Variants in PLEKHG3 observed in about 807,000 individuals in gnomAD.
PLEKHG3 encodes the protein pleckstrin homology and RhoGEF domain containing G3.
In PLEKHG3, 62 loss-of-function variants were observed where a neutral mutation model predicts 94.9. The observed-to-expected ratio is 0.65, with a 90% confidence interval of 0.53 to 0.81. The LOEUF (loss-of-function observed/expected upper bound fraction) is 0.81, where lower values mean the gene tolerates loss of function less well. PLEKHG3 is among the 30% of genes least tolerant of loss of function. PLEKHG3 has a pLI of 0.00. For missense variants in PLEKHG3, 1,461 were observed against 1,619.3 expected (o/e 0.90, Z 1.68); for synonymous variants, 614 against 654.0 (o/e 0.94, Z 0.93).
In PLEKHG3 at chr14:64,743,188, G is replaced by C; in HGVS notation, c.3145G>C (p.Asp1049His). The C allele has an allele frequency of 1.9e-6, 3 of 1,610,380 alleles. No homozygotes were observed. The highest frequency in any genetic ancestry group is 2.5e-6 in the Non-Finnish European group (3 of 1,179,884). Reference sequence around the variant, plus strand: ...CCCCACAGAGACCTTCAGCTGGCCCGACGTCCGTGAGCTCTGCTCCAAGTA... The same window carrying C: ...CCCCACAGAGACCTTCAGCTGGCCCCACGTCCGTGAGCTCTGCTCCAAGTA... ...LSPTETFSWP[D>H]VRELCSKYAS... Residue 1049 changes from aspartate to histidine, a missense_variant, in exon 17 of 17, where the codon GAC becomes CAC. Asp to His is a moderately conservative substitution (Grantham distance 81). Around this residue, in one of 3 missense-constraint regions of PLEKHG3, gnomAD observed 1,201 missense variants for 1,295.5 expected, o/e 0.93. Coordinates refer to ENST00000247226, the MANE Select transcript of PLEKHG3 (RefSeq NM_001308147.2). This position sits in a 1 kb window ranked among gnomAD's most constrained non-coding sequence, Gnocchi z 7.2.
chr14:64,736,898 G>T lies in PLEKHG3; in HGVS notation c.1384+7G>T. The T allele has an allele frequency of 3.1e-6, 5 of 1,610,116 alleles. No individual in the cohort carries two copies. Among genetic ancestry groups the T allele is most frequent in the Non-Finnish European group, 2.6e-6 (3 of 1,176,448 alleles). ...AGGCAACTCAACGAGAAAGGTGAGTGTGTGAGGTGGCCAGCCATTCCCAGT... is the reference window on the plus strand; with the variant it reads ...AGGCAACTCAACGAGAAAGGTGAGTTTGTGAGGTGGCCAGCCATTCCCAGT... On this transcript the variant is annotated splice_region_variant and intron_variant, in intron 13 of 16. Coordinates refer to ENST00000247226, the MANE Select transcript of PLEKHG3 (RefSeq NM_001308147.2).
At position 64,749,197 on chromosome 14, in the gene PLEKHG3, G is replaced by C. The variant is rs2081900623; in HGVS notation, c.*5494G>C. 3.6e-6 allele frequency: 5 copies of C among 1,374,126 alleles called. No homozygotes were observed. Among genetic ancestry groups the C allele is most frequent in the Middle Eastern group, 2.2e-4 (1 of 4,532 alleles). 85.1% of individuals were successfully genotyped at this position (1,374,126 alleles called of 1,614,324 possible). On this transcript the variant is annotated 3_prime_UTR_variant, in exon 17 of 17. Coordinates refer to ENST00000247226, the MANE Select transcript of PLEKHG3 (RefSeq NM_001308147.2). This position sits in a 1 kb window ranked among gnomAD's most constrained non-coding sequence, Gnocchi z 4.7. ...CGTGGGGCCCGGGGGCCCGGCCCGC[G>C]ACTCGACTCATCTCGATTCGACCGG...
At position 64,731,716 on chromosome 14, in the gene PLEKHG3, C is replaced by T. The variant is rs2081469925; in HGVS notation, c.1035C>T (p.Cys345=). The change falls in exon 9 of 17, where the codon TGC becomes TGT. Residue 345 remains cysteine (C), a splice_region_variant and synonymous_variant. Transcript: ENST00000247226. The surrounding 1 kb of genome is among the most constrained non-coding windows in gnomAD (Gnocchi z 6.1). ...CTGTCCTTTCCCTCTGCCCCTAGTG[C>T]TCCTCCCTGATGCTGATCGAAAGCA... ...DHFVYKGNIP[C]SSLMLIESTR... 1.2e-6 allele frequency: 2 copies of T among 1,611,260 alleles called. No homozygotes were observed. Among genetic ancestry groups the T allele is most frequent in the Non-Finnish European group, 1.7e-6 (2 of 1,177,426 alleles).
At position 64,726,326 on chromosome 14, in the gene PLEKHG3, T is replaced by A. The variant is rs2081352529; in HGVS notation, c.-39-1267T>A. ...CAAGTCTCTGCCCTTTAGTCATGTCTGGGGTCTAGTCACTTCTGAGCCCTA... is the reference window on the plus strand; with the variant it reads ...CAAGTCTCTGCCCTTTAGTCATGTCAGGGGTCTAGTCACTTCTGAGCCCTA... On this transcript the variant is annotated intron_variant, in intron 1 of 16. Transcript: ENST00000247226. The surrounding 1 kb of genome is among the most constrained non-coding windows in gnomAD (Gnocchi z 5.1). 6.6e-6 allele frequency among the ~76,000 whole-genome samples: 1 copy of A among 152,136 alleles called. No individual in the cohort carries two copies. The highest frequency in any genetic ancestry group is 2.1e-4 in the South Asian group (1 of 4,828).
rs1197880527 is a variant in PLEKHG3, at chr14:64,749,757, G to A, written c.*6054G>A. On this transcript the variant is annotated 3_prime_UTR_variant, in exon 17 of 17. Coordinates refer to ENST00000247226, the MANE Select transcript of PLEKHG3 (RefSeq NM_001308147.2). This position sits in a 1 kb window ranked among gnomAD's most constrained non-coding sequence, Gnocchi z 4.7. ...CTCTGGAGGGGGCGCTGGGCAGAGG[G>A]CTGGCTCTGATCCCACAATACCCTG... 1.3e-6 allele frequency: 2 copies of A among 1,587,904 alleles called. No individual in the cohort carries two copies. Among genetic ancestry groups the A allele is most frequent in the African/African-American group, 2.7e-5 (2 of 74,160 alleles).
rs2081775194 is a variant in PLEKHG3 at position 64,743,937 on chromosome 14, C to T, written c.*234C>T. On this transcript the variant is annotated 3_prime_UTR_variant, in exon 17 of 17. Coordinates refer to ENST00000247226, the MANE Select transcript of PLEKHG3 (RefSeq NM_001308147.2). The surrounding 1 kb of genome is among the most constrained non-coding windows in gnomAD (Gnocchi z 7.2). The stretch of plus-strand genomic sequence containing the variant: ...ACCTGTGAGGCCGGTGTGGCTGCTT[C>T]CCTTGTAAATAGTTGTTCTCTGGTA... The T allele has an allele frequency of 6.8e-6, 3 of 444,082 alleles. No individual in the cohort carries two copies. In the East Asian group the frequency reaches 1.1e-4, roughly 16 times the overall value. The allele number at this position is 444,082 out of a possible 1,614,324, so 27.5% of individuals were successfully genotyped here.
chr14:64,724,758 CCT>C (rs1333909441), intron 1 of PLEKHG3, among the ~76,000 whole-genome samples: 1 of 152,120 alleles, frequency 6.6e-6, no homozygotes, highest in Non-Finnish European at 1.5e-5. Context: ...TGCTTGTGGC[CCT>C]GTCTGGTGTG....
Position 64,749,592 on chromosome 14 carries a change from G to A in PLEKHG3, c.*5889G>A, listed in dbSNP as rs1022670637. The A allele has an allele frequency of 8.7e-6, 14 of 1,610,046 alleles. No individual in the cohort carries two copies. Among genetic ancestry groups the A allele is most frequent in the South Asian group, 7.7e-5 (7 of 91,008 alleles). On this transcript the variant is annotated 3_prime_UTR_variant, in exon 17 of 17. Coordinates refer to ENST00000247226, the MANE Select transcript of PLEKHG3 (RefSeq NM_001308147.2). This position sits in a 1 kb window ranked among gnomAD's most constrained non-coding sequence, Gnocchi z 4.7. ...TTCTGAGGGGGCCTCCAGGGCAAGCGGCCTGGGGTCCTCCACCTACCCCCT... is the reference window on the plus strand; with the variant it reads ...TTCTGAGGGGGCCTCCAGGGCAAGCAGCCTGGGGTCCTCCACCTACCCCCT...
intron 1 of PLEKHG3, among the ~76,000 whole-genome samples, chr14:64,706,882 G>A (rs546061701): frequency 6.6e-6 from 1 of 152,234 alleles, no homozygotes; most frequent in Non-Finnish European, 1.5e-5. Context: ...TAAGCCAGGG[G>A]TGCTGCCACA....
chr14:64,741,824 T>G lies in PLEKHG3; in HGVS notation c.2307T>G (p.Pro769=). The G allele has an allele frequency of 3.1e-6, 5 of 1,613,518 alleles. No homozygotes were observed. Among genetic ancestry groups the G allele is most frequent in the Non-Finnish European group, 4.2e-6 (5 of 1,179,980 alleles). ...SLPRPDPEPV[P]PVGSKRQVGS... ...CCCGGCCAGACCCAGAGCCAGTACC[T>G]CCAGTGGGGAGCAAGAGACAGGTGG... The change falls in exon 16 of 17, where the codon CCT becomes CCG. Residue 769 remains proline (P), a synonymous_variant. Coordinates refer to ENST00000247226, the MANE Select transcript of PLEKHG3 (RefSeq NM_001308147.2).
Position 64,741,194 on chromosome 14 carries a change from C to T in PLEKHG3, c.1677C>T (p.Asp559=). 1 of 1,614,086 alleles carries T rather than the reference C, an allele frequency of 6.2e-7. No homozygotes were observed. The highest frequency in any genetic ancestry group is 8.5e-7 in the Non-Finnish European group (1 of 1,179,994). ...QGLLGMDPPG[D]MVDFVAAEST... ...TTCTGGGGATGGACCCCCCAGGTGA[C>T]ATGGTGGACTTCGTGGCAGCTGAGA... The change falls in exon 16 of 17, where the codon GAC becomes GAT. Residue 559 remains aspartate, a synonymous_variant. Coordinates refer to ENST00000247226, the MANE Select transcript of PLEKHG3 (RefSeq NM_001308147.2).
At chr14:64,714,489 A>G (rs2081107075) in intron 1 of PLEKHG3, among the ~76,000 whole-genome samples, 1 of 152,146 alleles carries the variant, frequency 6.6e-6, no homozygotes, top group Non-Finnish European at 1.5e-5. Context: ...CACTTTCCAA[A>G]AATGTGTTAG....
intron 1 of PLEKHG3, among the ~76,000 whole-genome samples, chr14:64,710,876 G>A (rs1594657404): frequency 6.6e-6 from 1 of 151,766 alleles, no homozygotes; most frequent in African/African-American, 2.4e-5. Context: ...GGGTGTCTGG[G>A]GATCATCAGT....
intron 12 of PLEKHG3, among the ~76,000 whole-genome samples, chr14:64,734,951 C>T (rs2139388564): frequency 6.6e-6 from 1 of 152,250 alleles, no homozygotes; most frequent in African/African-American, 2.4e-5. Flanking sequence ...GTCTCGAACT[C>T]CTGACCTCAG....
At position 64,726,648 on chromosome 14, in the gene PLEKHG3, G is replaced by C. The variant is rs1249189884; in HGVS notation, c.-39-945G>C. Among the ~76,000 whole-genome samples, 1 of 152,184 alleles carries C rather than the reference G, an allele frequency of 6.6e-6. No homozygotes were observed. The highest frequency in any genetic ancestry group is 2.4e-5 in the African/African-American group (1 of 41,454). ...GCTCTGTTTGCCTCACCTGGGTGCA[G>C]TTTACTGCTTTCTCTGCTGCCCCCG... On this transcript the variant is annotated intron_variant, in intron 1 of 16. Transcript: ENST00000247226. This position sits in a 1 kb window ranked among gnomAD's most constrained non-coding sequence, Gnocchi z 5.1.
chr14:64,734,718 CTTCCTTCCTTCT>C (rs1466079424), intron 12 of PLEKHG3, among the ~76,000 whole-genome samples: 2 of 141,602 alleles, frequency 1.4e-5, no homozygotes, highest in African/African-American at 2.6e-5. Flanking sequence ...CCCTCCCTTC[CTTCCTTCCTTCT>C]TTCCTTCCTT....
chr14:64,715,022 G>A lies in PLEKHG3; in HGVS notation c.-40+10318G>A, dbSNP rs1330412180. Among the ~76,000 whole-genome samples, 1 of 152,146 alleles carries A rather than the reference G, an allele frequency of 6.6e-6. No individual in the cohort carries two copies. The highest frequency in any genetic ancestry group is 2.4e-5 in the African/African-American group (1 of 41,420). On this transcript the variant is annotated intron_variant, in intron 1 of 16. Coordinates refer to ENST00000247226, the MANE Select transcript of PLEKHG3 (RefSeq NM_001308147.2). This position sits in a 1 kb window ranked among gnomAD's most constrained non-coding sequence, Gnocchi z 4.4. ...GATACTTGCTACTCACTGAGACCCC[G>A]TGCAGGTTGGTACCCCCACTGCAAG...
In PLEKHG3 at chr14:64,743,679, C is replaced by A. The variant is rs2081769276; in HGVS notation, c.3636C>A (p.Phe1212Leu). Residue 1212 changes from phenylalanine to leucine, a missense_variant, in exon 17 of 17, where the codon TTC becomes TTA. Physicochemically the swap from Phe to Leu is conservative, Grantham distance 22. Coordinates refer to ENST00000247226, the MANE Select transcript of PLEKHG3 (RefSeq NM_001308147.2). This position sits in a 1 kb window ranked among gnomAD's most constrained non-coding sequence, Gnocchi z 7.2. The part of the protein sequence containing the change: ...QGRVRNLREK[F>L]QALNSVG The stretch of plus-strand genomic sequence containing the variant: ...GAGTGAGAAACCTTAGAGAGAAGTT[C>A]CAGGCCTTGAACTCTGTCGGTTGAT... 1.3e-6 allele frequency: 2 copies of A among 1,579,434 alleles called. No individual in the cohort carries two copies. Among genetic ancestry groups the A allele is most frequent in the African/African-American group, 1.3e-5 (1 of 74,106 alleles).
intron 1 of PLEKHG3, among the ~76,000 whole-genome samples, chr14:64,712,183 T>C (rs956868812): frequency 6.6e-6 from 1 of 152,250 alleles, no homozygotes; most frequent in African/African-American, 2.4e-5. Context: ...TTCATTGATC[T>C]ATATGTCTGC....
Sources: allele counts gnomAD v4.1 joint callset (sites outside exome capture counted in the v4.1 genomes callset), GRCh38; gene constraint gnomAD v4.1.1; regional missense constraint gnomAD v4.1.1; non-coding constraint Gnocchi (gnomAD v3.1); transcripts MANE v1.5; gene names NCBI Gene and HGNC (gene_info 2026-07-23, HGNC 2026-07-21).